FTCDNL1: variants seen among roughly 807,000 people sequenced by gnomAD.
FTCDNL1 encodes the protein formiminotransferase N-terminal subdomain-containing protein.
Under a neutral mutation model 5.9 loss-of-function variants are expected in FTCDNL1, and 11 were observed. The ratio of observed to expected loss-of-function variants is 1.87; its 90% CI spans 1.18 to 3.10. The LOEUF (loss-of-function observed/expected upper bound fraction) is 3.10, where lower values mean the gene tolerates loss of function less well. Ranked by LOEUF, FTCDNL1 falls within the 30% of genes most tolerant of loss-of-function variation. The probability of loss-of-function intolerance (pLI) is 0.00; values close to 1 mark genes in which losing one functional copy is unlikely to be tolerated. For missense variants in FTCDNL1, 115 were observed against 65.5 expected (o/e 1.76, Z -2.61); for synonymous variants, 58 against 24.8 (o/e 2.34, Z -3.99).
intron 3 of FTCDNL1, among the ~76,000 whole-genome samples, chr2:199,832,189 C>G (rs796900392): frequency 5.9e-5 from 9 of 152,214 alleles, no homozygotes; most frequent in African/African-American, 2.2e-4. Context: ...GATATATTTA[C>G]CACTTTGTGC....
chr2:199,675,587 AG>A, the FTCDNL1 span, among the ~76,000 whole-genome samples: 1 of 152,172 alleles, frequency 6.6e-6, no homozygotes, highest in Non-Finnish European at 1.5e-5. Context: ...TCTGGAGCTC[AG>A]CAGTCCGGAG....
At chr2:199,758,340 T>C (rs989403604), downstream of FTCDNL1, among the ~76,000 whole-genome samples, 1 of 151,602 alleles carries the variant, frequency 6.6e-6, no homozygotes, top group Non-Finnish European at 1.5e-5. Context: ...TAAAACACAC[T>C]CAGGGTATGG....
chr2:199,788,114 A>G (rs1043052474), intron 3 of FTCDNL1, among the ~76,000 whole-genome samples: 4 of 152,224 alleles, frequency 2.6e-5, no homozygotes, highest in Admixed American at 6.5e-5. Flanking sequence ...GAAAAAGAAC[A>G]TAAACAATAT....
At chr2:199,797,735 A>T (rs1700242383) in intron 3 of FTCDNL1, among the ~76,000 whole-genome samples, 1 of 152,186 alleles carries the variant, frequency 6.6e-6, no homozygotes, top group African/African-American at 2.4e-5. Flanking sequence ...CTCAGCCTGG[A>T]ATTGTTTGCA....
intron 1 of FTCDNL1, among the ~76,000 whole-genome samples, chr2:199,849,174 C>A (rs1482767647): frequency 6.6e-6 from 1 of 152,176 alleles, no homozygotes; most frequent in Non-Finnish European, 1.5e-5. Flanking sequence ...TACATATAAA[C>A]CTTGTAACGA....
chr2:199,840,635 G>T (rs1487171072), intron 3 of FTCDNL1, among the ~76,000 whole-genome samples: 1 of 152,162 alleles, frequency 6.6e-6, no homozygotes, highest in Non-Finnish European at 1.5e-5. Context: ...AATCAATAAG[G>T]TAAAAGAGTA....
At chr2:199,665,365 C>T in the FTCDNL1 span, among the ~76,000 whole-genome samples, 2 of 152,180 alleles carry the variant, frequency 1.3e-5, no homozygotes, top group African/African-American at 4.8e-5. Context: ...GGCATGGTGG[C>T]TCATGCTTGT....
chr2:199,784,435 C>T (rs1699532578), intron 3 of FTCDNL1, among the ~76,000 whole-genome samples: 1 of 152,138 alleles, frequency 6.6e-6, no homozygotes, highest in Non-Finnish European at 1.5e-5. Flanking sequence ...CCAACCTGTG[C>T]CATGGGATTC....
chr2:199,817,640 G>A (rs1367135747), intron 4 of FTCDNL1, among the ~76,000 whole-genome samples: 1 of 151,908 alleles, frequency 6.6e-6, no homozygotes, highest in Non-Finnish European at 1.5e-5. Flanking sequence ...ATACTTGGAA[G>A]GATGAGGTGG....
intron 3 of FTCDNL1, among the ~76,000 whole-genome samples, chr2:199,781,250 C>A (rs1478113651): frequency 1.3e-5 from 2 of 152,206 alleles, no homozygotes; most frequent in Non-Finnish European, 2.9e-5. Flanking sequence ...TTATTCTTCT[C>A]TAAGGCAAAA....
At chr2:199,725,092 T>C in the FTCDNL1 span, among the ~76,000 whole-genome samples, 1 of 152,204 alleles carries the variant, frequency 6.6e-6, no homozygotes, top group Non-Finnish European at 1.5e-5. Context: ...ATATATAGGA[T>C]AGTTAGCTCT....
At chr2:199,828,845 A>T (rs891598999) in intron 3 of FTCDNL1, among the ~76,000 whole-genome samples, 6 of 152,204 alleles carry the variant, frequency 3.9e-5, no homozygotes, top group Non-Finnish European at 8.8e-5. Flanking sequence ...ATCAGTGTCC[A>T]TTCTAAACCA....
chr2:199,835,835 A>G (rs2106609564), intron 3 of FTCDNL1, among the ~76,000 whole-genome samples: 1 of 152,318 alleles, frequency 6.6e-6, no homozygotes, highest in East Asian at 1.9e-4. Context: ...TGAGTGTTGT[A>G]GATATCTACT....
chr2:199,841,799 T>A (rs970331274), intron 3 of FTCDNL1, among the ~76,000 whole-genome samples: 3 of 152,194 alleles, frequency 2.0e-5, no homozygotes, highest in Non-Finnish European at 4.4e-5. Context: ...TAGGCCAATA[T>A]CATCCTTCCA....
At chr2:199,822,949 C>T (rs1447471470) in intron 3 of FTCDNL1, among the ~76,000 whole-genome samples, 1 of 152,192 alleles carries the variant, frequency 6.6e-6, no homozygotes, top group Admixed American at 6.5e-5. Flanking sequence ...CTCCCAGGTT[C>T]AAGTGATTCT....
intron 3 of FTCDNL1, among the ~76,000 whole-genome samples, chr2:199,842,552 C>G (rs1052748825): frequency 6.6e-6 from 1 of 152,092 alleles, no homozygotes; most frequent in African/African-American, 2.4e-5. Flanking sequence ...TAAAAACTTG[C>G]AAAAATTGTT....
Position 199,819,239 on chromosome 2 carries a change from C to T in FTCDNL1, c.397+333G>A, listed in dbSNP as rs191249239. On this transcript the variant is annotated intron_variant, in intron 4 of 4. Coordinates refer to ENST00000420128, the MANE Select transcript of FTCDNL1 (RefSeq NM_001363886.2). ...TCTCCATCACACCCTAGGACACACC[C>T]CACACCATTCACAGACAGGGGCCTC... is the stretch of plus-strand genomic sequence containing the variant. The T allele has an allele frequency of 2.5e-3, 751 of 301,254 alleles. 2 individuals carry two copies. Among genetic ancestry groups the T allele is most frequent in the Non-Finnish European group, 4.0e-3 (624 of 157,714 alleles). 18.7% of individuals were successfully genotyped at this position (301,254 alleles called of 1,614,324 possible).
At chr2:199,844,515 C>A in intron 3 of FTCDNL1, 1 of 630,220 alleles carries the variant, frequency 1.6e-6, no homozygotes. Flanking sequence ...TCTAGGCAGG[C>A]AGCCAGAACA....
chr2:199,740,174 A>G, the FTCDNL1 span, among the ~76,000 whole-genome samples: 1 of 152,244 alleles, frequency 6.6e-6, no homozygotes, highest in African/African-American at 2.4e-5. Context: ...AACTCGGTTC[A>G]TTTTATGACT....
Sources: gnomAD v4.1 joint callset for allele counts (sites outside exome capture counted in the v4.1 genomes callset) on GRCh38, gnomAD v4.1.1 for gene constraint, MANE v1.5 for transcripts, NCBI Gene and HGNC (gene_info 2026-07-23, HGNC 2026-07-21) for gene names.